Variants in SGCZ observed in about 807,000 individuals in gnomAD.
The protein encoded by SGCZ is zeta-sarcoglycan.
Under a neutral mutation model 41.3 loss-of-function variants are expected in SGCZ, and 40 were observed. The ratio of observed to expected loss-of-function variants is 0.97; its 90% CI spans 0.75 to 1.26. SGCZ has a LOEUF of 1.26. Ranked by LOEUF, SGCZ falls within the 50% of genes most tolerant of loss-of-function variation. SGCZ has a pLI of 0.00. For synonymous variants in SGCZ, 206 were observed against 137.5 expected (o/e 1.50, Z -3.49); for missense variants, 552 against 369.8 (o/e 1.49, Z -4.04).
chr8:14,415,981 G>T (rs768070986), intron 2 of SGCZ, among the ~76,000 whole-genome samples: 1 of 151,858 alleles, frequency 6.6e-6, no homozygotes, highest in African/African-American at 2.4e-5. Context: ...CTTATTTATT[G>T]TATGGTTTCC....
intron 1 of SGCZ, among the ~76,000 whole-genome samples, chr8:14,822,299 C>G (rs892057538): frequency 2.0e-5 from 3 of 152,014 alleles, no homozygotes; most frequent in Admixed American, 2.0e-4. Flanking sequence ...AAGATGTGTA[C>G]ATTGAAAACT....
At chr8:14,554,430 A>C (rs1282006075) in intron 2 of SGCZ, among the ~76,000 whole-genome samples, 3 of 152,068 alleles carry the variant, frequency 2.0e-5, no homozygotes, top group African/African-American at 4.8e-5. Flanking sequence ...ATTTTAAGAC[A>C]CAGTAAGTAA....
At chr8:14,358,216 T>C (rs762044737) in intron 2 of SGCZ, among the ~76,000 whole-genome samples, 43 of 152,212 alleles carry the variant, frequency 2.8e-4, no homozygotes, top group Non-Finnish European at 4.1e-4. Flanking sequence ...AATGACTAGA[T>C]CTATAAACTA....
intron 5 of SGCZ, among the ~76,000 whole-genome samples, chr8:14,161,813 GAA>G (rs1585190856): frequency 2.0e-5 from 3 of 152,026 alleles, no homozygotes; most frequent in African/African-American, 7.2e-5. Flanking sequence ...AGAAAGAAAT[GAA>G]AAGAGAGAGC....
chr8:14,950,982 G>T (rs530921533), intron 1 of SGCZ, among the ~76,000 whole-genome samples: 1 of 152,112 alleles, frequency 6.6e-6, no homozygotes, highest in Non-Finnish European at 1.5e-5. Context: ...CAAAACTGGA[G>T]AGCAAAGGGA....
chr8:14,171,946 T>C (rs1804395841), intron 4 of SGCZ, among the ~76,000 whole-genome samples: 1 of 152,164 alleles, frequency 6.6e-6, no homozygotes, highest in South Asian at 2.1e-4. Flanking sequence ...AATCCTATTA[T>C]ATAACTGTTT....
chr8:14,418,928 A>G (rs1254728911), intron 2 of SGCZ, among the ~76,000 whole-genome samples: 7 of 151,970 alleles, frequency 4.6e-5, no homozygotes, highest in Non-Finnish European at 7.4e-5. Context: ...TGTACACTTC[A>G]TAACTGTAGG....
At chr8:14,941,108 C>T (rs1285073822) in intron 1 of SGCZ, among the ~76,000 whole-genome samples, 1 of 152,080 alleles carries the variant, frequency 6.6e-6, no homozygotes, top group Non-Finnish European at 1.5e-5. Context: ...AGTTAACATA[C>T]AGCATTGGTG....
At chr8:14,393,397 G>A (rs190137022) in intron 2 of SGCZ, among the ~76,000 whole-genome samples, 3 of 152,056 alleles carry the variant, frequency 2.0e-5, no homozygotes, top group Non-Finnish European at 4.4e-5. Context: ...ATCTTCCCTT[G>A]TCAACCACAT....
At chr8:15,156,074 AAT>A (rs1554467824) in intron 1 of SGCZ, among the ~76,000 whole-genome samples, 1 of 151,362 alleles carries the variant, frequency 6.6e-6, no homozygotes, top group Non-Finnish European at 1.5e-5. Context: ...AAAAAAAAAA[AAT>A]AGAAGAGTGA....
At chr8:14,275,799 T>G (rs1289435544) in intron 3 of SGCZ, among the ~76,000 whole-genome samples, 1 of 152,142 alleles carries the variant, frequency 6.6e-6, no homozygotes, top group Non-Finnish European at 1.5e-5. Context: ...AAGGCTGGTT[T>G]CATGCCCCTG....
chr8:15,148,759 C>A (rs1160522176), intron 1 of SGCZ, among the ~76,000 whole-genome samples: 3 of 152,168 alleles, frequency 2.0e-5, no homozygotes, highest in African/African-American at 7.2e-5. Flanking sequence ...ATTTCAGACA[C>A]AAGCTGATAC....
At chr8:14,732,443 TAA>T (rs1367243056) in intron 1 of SGCZ, among the ~76,000 whole-genome samples, 1 of 152,134 alleles carries the variant, frequency 6.6e-6, no homozygotes, top group Non-Finnish European at 1.5e-5. Flanking sequence ...TGGTTCTGTA[TAA>T]AAGAGAGTGG....
intron 1 of SGCZ, among the ~76,000 whole-genome samples, chr8:14,899,471 G>C (rs548364942): frequency 6.6e-6 from 1 of 152,146 alleles, no homozygotes; most frequent in Admixed American, 6.6e-5. Context: ...TTTAGAGAAG[G>C]TGCTACAAAG....
intron 5 of SGCZ, 41 bp downstream of exon 5, chr8:14,164,539 T>C (rs376988663): frequency 2.5e-6 from 4 of 1,610,768 alleles, no homozygotes; most frequent in Non-Finnish European, 3.4e-6. Context: ...GTATATTCTT[T>C]AAAGAAGTAA....
chr8:15,232,078 A>C (rs777422025), intron 1 of SGCZ, among the ~76,000 whole-genome samples: 1 of 152,228 alleles, frequency 6.6e-6, no homozygotes, highest in Non-Finnish European at 1.5e-5. Context: ...ACAGTTACCA[A>C]TTTAAATGCA....
intron 1 of SGCZ, among the ~76,000 whole-genome samples, chr8:14,926,202 A>G (rs1256702819): frequency 2.6e-5 from 4 of 152,204 alleles, no homozygotes; most frequent in Non-Finnish European, 5.9e-5. Context: ...TAAGTAATAT[A>G]TGCATGTTCT....
At chr8:14,091,555 A>G (rs1223904497) in intron 7 of SGCZ, among the ~76,000 whole-genome samples, 1 of 152,056 alleles carries the variant, frequency 6.6e-6, no homozygotes, top group Non-Finnish European at 1.5e-5. Flanking sequence ...TGGATTTGAT[A>G]TGCATTTCTC....
chr8:14,167,781 T>C (rs982397007), intron 4 of SGCZ, among the ~76,000 whole-genome samples: 2 of 152,156 alleles, frequency 1.3e-5, no homozygotes, highest in African/African-American at 4.8e-5. Context: ...GCTCCATCAC[T>C]TTTTTTGAAC....
Sources: allele counts gnomAD v4.1 joint callset (sites outside exome capture counted in the v4.1 genomes callset), GRCh38; gene constraint gnomAD v4.1.1; transcripts MANE v1.5; gene names NCBI Gene and HGNC (gene_info 2026-07-23, HGNC 2026-07-21).